The following ALPK3 variants were observed in gnomAD, a reference collection of about 807,000 sequenced individuals.
The protein encoded by ALPK3 is alpha kinase 3.
In ALPK3, 102 loss-of-function variants were observed where a neutral mutation model predicts 140.0. That is an observed-to-expected ratio of 0.73 (90% CI 0.62 to 0.86). The LOEUF is 0.86. Ranked by LOEUF, ALPK3 falls within the 40% of genes least tolerant of loss-of-function variation. ALPK3 has a pLI of 0.00. For synonymous variants in ALPK3, 938 were observed against 898.5 expected, an observed-to-expected ratio of 1.04 and a Z score of -0.79; for missense variants, 2,254 against 2,208.2, an observed-to-expected ratio of 1.02 and a Z score of -0.42.
chr15:84,843,119 A>G (rs1963685855), intron 5 of ALPK3, among the ~76,000 whole-genome samples: 1 of 152,228 alleles, frequency 6.6e-6, no homozygotes, highest in South Asian at 2.1e-4. Context: ...GGAGGGGCTC[A>G]GGCAGTGTGG....
rs541226555 is a variant in ALPK3 at position 84,871,413 on chromosome 15, T to C, written c.*2957T>C. 9 of 152,384 alleles carry C rather than the reference T, an allele frequency of 5.9e-5. No homozygotes were observed. The East Asian group carries it at 1.7e-3, about 29-fold the overall frequency. The allele number at this position is 152,384 out of a possible 1,614,324, so 9.4% of individuals were successfully genotyped here. ...TCATTCTAGATACTCCGATGACTTC[T>C]TTATAATGAGCCTGAAGTGGCCTGG... On this transcript the variant is annotated 3_prime_UTR_variant, in exon 14 of 14. Coordinates refer to ENST00000258888, the MANE Select transcript of ALPK3 (RefSeq NM_020778.5).
chr15:84,867,224 G>T, intron 12 of ALPK3, 93 bp from the exon 13 acceptor site: 1 of 1,372,088 alleles, frequency 7.3e-7, no homozygotes, highest in Non-Finnish European at 1.0e-6. Flanking sequence ...AAGAGACATG[G>T]TTCTAAGCCA....
At chr15:84,833,390 G>T (rs557541355) in intron 3 of ALPK3, among the ~76,000 whole-genome samples, 2 of 152,310 alleles carry the variant, frequency 1.3e-5, no homozygotes, top group East Asian at 3.9e-4. Context: ...AGGAGAAAAT[G>T]CAGGCTGTAG....
intron 5 of ALPK3, among the ~76,000 whole-genome samples, chr15:84,855,160 G>A (rs1258018304): frequency 2.0e-5 from 3 of 152,082 alleles, no homozygotes; most frequent in East Asian, 3.8e-4. Flanking sequence ...CCGTGTCTTC[G>A]GCCAGTTTCC....
In ALPK3 at chr15:84,843,832, C is replaced by T. The variant is rs1224789236; in HGVS notation, c.1653+2900C>T. Among the ~76,000 whole-genome samples, 8 of 151,762 alleles carry T rather than the reference C, an allele frequency of 5.3e-5. No individual in the cohort carries two copies. The South Asian group carries it at 6.3e-4, about 12-fold the overall frequency. The stretch of plus-strand genomic sequence containing the variant: ...ACAGGTTGCCGGGCACAGTGGCTCA[C>T]GCTTGTAATCGCAGTACTTTAGGAG... On this transcript the variant is annotated intron_variant, in intron 5 of 13. Transcript: ENST00000258888.
chr15:84,866,448 C>T (rs1964004302), intron 12 of ALPK3, among the ~76,000 whole-genome samples: 1 of 152,198 alleles, frequency 6.6e-6, no homozygotes, highest in Admixed American at 6.5e-5. Flanking sequence ...GTCTGTCTGA[C>T]TCCAGAGGCC....
At chr15:84,859,600 C>G (rs940162577) in intron 7 of ALPK3, among the ~76,000 whole-genome samples, 176 bp from the exon 8 acceptor site, 1 of 152,232 alleles carries the variant, frequency 6.6e-6, no homozygotes, top group African/African-American at 2.4e-5. Context: ...ATTGTCAGGA[C>G]TGCAAACCAG....
chr15:84,821,414 A>G (rs761891307), intron 1 of ALPK3, among the ~76,000 whole-genome samples: 6 of 152,212 alleles, frequency 3.9e-5, no homozygotes, highest in African/African-American at 9.6e-5. Context: ...TCTCCTTCCC[A>G]GGGAAGAAGT....
chr15:84,839,937 C>G lies in ALPK3; in HGVS notation c.658C>G (p.Arg220Gly). The change falls in exon 5 of 14, where the codon CGC becomes GGC. Residue 220 changes from arginine (R) to glycine (G), a missense_variant. Transcript: ENST00000258888. ...CACTCTGCGCAAGCTCAGCCCCGAC[C>G]GCTTCCAGCGAAAGCGGCGATTGAG... is the stretch of plus-strand genomic sequence containing the variant. ...VDTLRKLSPD[R>G]FQRKRRLSGA... 18 of 1,613,674 alleles carry G rather than the reference C, an allele frequency of 1.1e-5. No homozygotes were observed. Among genetic ancestry groups the G allele is most frequent in the Non-Finnish European group, 1.5e-5 (18 of 1,179,804 alleles).
At position 84,856,425 on chromosome 15, in the gene ALPK3, A is replaced by G; in HGVS notation, c.1687A>G (p.Met563Val). ...LECQTTTAPT[M>V]SASSSSDVAS... ...ATGCCAGACAACCACGGCTCCTACC[A>G]TGTCGGCCAGCAGCAGCTCTGATGT... The change falls in exon 6 of 14, where the codon ATG becomes GTG. Residue 563 changes from methionine to valine, a missense_variant. Transcript: ENST00000258888. 6.2e-7 allele frequency: 1 copy of G among 1,609,622 alleles called. No homozygotes were observed. The highest frequency in any genetic ancestry group is 1.1e-5 in the South Asian group (1 of 90,152).
At chr15:84,844,237 C>T (rs904723049) in intron 5 of ALPK3, among the ~76,000 whole-genome samples, 2 of 150,750 alleles carry the variant, frequency 1.3e-5, no homozygotes, top group African/African-American at 4.9e-5. Flanking sequence ...CAAAAAAACC[C>T]AAAAAAACAA....
At chr15:84,852,303 G>A (rs188392522) in intron 5 of ALPK3, among the ~76,000 whole-genome samples, 3 of 152,202 alleles carry the variant, frequency 2.0e-5, no homozygotes, top group South Asian at 2.1e-4. Context: ...AATGGGTAAC[G>A]GGCAACCTAG....
Position 84,839,688 on chromosome 15 carries a change from G to T in ALPK3, c.423-14G>T. On this transcript the variant is annotated splice_polypyrimidine_tract_variant and intron_variant, in intron 4 of 13. Transcript: ENST00000258888. ...CAGGAGGGGAGAGGTGGCACCTCCC[G>T]CTCCTACCTCTAGGTGTCGAGAAGA... 6.3e-7 allele frequency: 1 copy of T among 1,583,576 alleles called. No individual in the cohort carries two copies. Among genetic ancestry groups the T allele is most frequent in the Non-Finnish European group, 8.6e-7 (1 of 1,163,544 alleles).
chr15:84,836,115 C>A (rs2141553942), intron 3 of ALPK3, among the ~76,000 whole-genome samples: 1 of 152,302 alleles, frequency 6.6e-6, no homozygotes, highest in South Asian at 2.1e-4. Flanking sequence ...AAGGGAAGGC[C>A]TCTCTAGGGA....
rs1178189761 is a variant in ALPK3, at chr15:84,856,549, C to A, written c.1811C>A (p.Thr604Asn). The change falls in exon 6 of 14, where the codon ACT becomes AAT. Residue 604 changes from threonine to asparagine, a missense_variant. Physicochemically the swap from Thr to Asn is moderately conservative, Grantham distance 65. Transcript: ENST00000258888. Reference sequence around the variant, plus strand: ...GGGAGAACATCTGCTAACCAGAGAACTGGAAGCAAGAAGAATGTGCAGGCA... The same window carrying A: ...GGGAGAACATCTGCTAACCAGAGAAATGGAAGCAAGAAGAATGTGCAGGCA... ...EDGRTSANQR[T>N]GSKKNVQADG... 1.2e-6 allele frequency: 2 copies of A among 1,613,980 alleles called. No homozygotes were observed. The highest frequency in any genetic ancestry group is 2.7e-5 in the African/African-American group (2 of 74,866).
At position 84,856,813 on chromosome 15, in the gene ALPK3, C is replaced by G; in HGVS notation, c.2075C>G (p.Thr692Arg). 1 of 1,613,916 alleles carries G rather than the reference C, an allele frequency of 6.2e-7. No homozygotes were observed. Among genetic ancestry groups the G allele is most frequent in the Non-Finnish European group, 8.5e-7 (1 of 1,179,976 alleles). ...AGGAAGGCCCAGGCAGATAAGGGCA[C>G]ACAGGAAGACAGAAGGATGCAGGGA... ...EDRKAQADKG[T>R]QEDRRMQGEK... The change falls in exon 6 of 14, where the codon ACA becomes AGA. Residue 692 changes from threonine to arginine, a missense_variant. Thr to Arg is a moderately conservative substitution (Grantham distance 71, BLOSUM62 -1). This residue lies in a region of ALPK3 where 2,088 missense variants were observed against 2,022.9 expected (regional missense o/e 1.03). Coordinates refer to ENST00000258888, the MANE Select transcript of ALPK3 (RefSeq NM_020778.5).
intron 2 of ALPK3, among the ~76,000 whole-genome samples, chr15:84,824,162 C>A (rs537143294): frequency 2.0e-5 from 3 of 152,154 alleles, no homozygotes; most frequent in Non-Finnish European, 2.9e-5. Context: ...ATTTTCCTTT[C>A]CTTTGGTTCC....
intron 5 of ALPK3, among the ~76,000 whole-genome samples, chr15:84,842,363 C>T (rs958156421): frequency 6.6e-6 from 1 of 152,186 alleles, no homozygotes; most frequent in Non-Finnish European, 1.5e-5. Flanking sequence ...ATCTGATAAC[C>T]TTAAGTGGAG....
Position 84,840,479 on chromosome 15 carries a change from G to C in ALPK3, c.1200G>C (p.Gln400His). 1 of 1,613,634 alleles carries C rather than the reference G, an allele frequency of 6.2e-7. No individual in the cohort carries two copies. The highest frequency in any genetic ancestry group is 8.5e-7 in the Non-Finnish European group (1 of 1,179,860). ...CTGTGGGCACTCCAGACAAGGCCCA[G>C]AAGGCCCCTGGCCCAGGCCCAGGCC... ...ASAVGTPDKA[Q>H]KAPGPGPGQE... The change falls in exon 5 of 14, where the codon CAG becomes CAC. Residue 400 changes from glutamine (Q) to histidine (H), a missense_variant. Gln to His is a conservative substitution (Grantham distance 24). This residue lies in a region of ALPK3 where 2,088 missense variants were observed against 2,022.9 expected (regional missense o/e 1.03). Coordinates refer to ENST00000258888, the MANE Select transcript of ALPK3 (RefSeq NM_020778.5).
Sources: allele counts gnomAD v4.1 joint callset (sites outside exome capture counted in the v4.1 genomes callset), GRCh38; gene constraint gnomAD v4.1.1; regional missense constraint gnomAD v4.1.1; transcripts MANE v1.5; gene names NCBI Gene and HGNC (gene_info 2026-07-23, HGNC 2026-07-21).